ECEL1: variants seen among roughly 807,000 people sequenced by gnomAD.
ECEL1 encodes the protein endothelin-converting enzyme-like 1.
In ECEL1, 87 loss-of-function variants were observed where a neutral mutation model predicts 101.8. The ratio of observed to expected loss-of-function variants is 0.85; its 90% confidence interval spans 0.72 to 1.02. The LOEUF (loss-of-function observed/expected upper bound fraction) is 1.02, where lower values mean the gene tolerates loss of function less well. ECEL1 is among the 50% of genes least tolerant of loss of function. The pLI is 0.00. For synonymous variants in ECEL1, 487 were observed against 468.7 expected, an observed-to-expected ratio of 1.04 and a Z score of -0.50; for missense variants, 1,032 against 1,079.2, an observed-to-expected ratio of 0.96 and a Z score of 0.61.
chr2:232,485,301 C>T (rs954014213), intron 2 of ECEL1, 34 bp from the exon 3 acceptor site: 1 of 1,608,338 alleles, frequency 6.2e-7, no homozygotes, highest in Non-Finnish European at 8.5e-7. Flanking sequence ...AGGTCAGAGG[C>T]CCACACCTCA....
Position 232,484,476 on chromosome 2 carries a change from G to A in ECEL1, c.1180C>T (p.His394Tyr). Residue 394 changes from histidine to tyrosine, a missense_variant, in exon 6 of 18, where the codon CAC (histidine) becomes TAC (tyrosine). By Grantham distance (83) the His-to-Tyr change is moderately conservative (BLOSUM62 2). Coordinates refer to ENST00000304546, the MANE Select transcript of ECEL1 (RefSeq NM_004826.4). ...QVSQLIRSTP[H>Y]RVLHNYLVWR... is the part of the protein sequence containing the mutation. ...ATGCCAGATCTGCAGCCATACCGGTGGGGTGTGGAGCGGATGAGCTGCGAC... is the reference window on the plus strand; with the variant it reads ...ATGCCAGATCTGCAGCCATACCGGTAGGGTGTGGAGCGGATGAGCTGCGAC... The A allele has an allele frequency of 1.2e-6, 2 of 1,613,710 alleles. No individual in the cohort carries two copies. Among genetic ancestry groups the A allele is most frequent in the Non-Finnish European group, 8.5e-7 (1 of 1,179,862 alleles).
Position 232,481,075 on chromosome 2 carries a change from C to T in ECEL1, c.2055+16G>A, listed in dbSNP as rs1690564579. 3 of 1,554,054 alleles carry T rather than the reference C, an allele frequency of 1.9e-6. No homozygotes were observed. Among genetic ancestry groups the T allele is most frequent in the African/African-American group, 2.7e-5 (2 of 73,326 alleles). ...TCCCTCCTGCAGCAGGGGTGGAGCACAGGCAGGCCGCTCACGTGGTAGGCC... is the reference window on the plus strand; with the variant it reads ...TCCCTCCTGCAGCAGGGGTGGAGCATAGGCAGGCCGCTCACGTGGTAGGCC... On this transcript the variant is annotated intron_variant, in intron 15 of 17. Coordinates refer to ENST00000304546, the MANE Select transcript of ECEL1 (RefSeq NM_004826.4).
Position 232,479,918 on chromosome 2 carries a change from C to T in ECEL1, c.*235G>A. On this transcript the variant is annotated 3_prime_UTR_variant, in exon 18 of 18. Coordinates refer to ENST00000304546, the MANE Select transcript of ECEL1 (RefSeq NM_004826.4). ...CCAGCCTGGCAGAGGGTCTGGCCCCCTTAGAGCAGAATCTGGGGACCCCAG... is the reference window on the plus strand; with the variant it reads ...CCAGCCTGGCAGAGGGTCTGGCCCCTTTAGAGCAGAATCTGGGGACCCCAG... 1 of 580,226 alleles carries T rather than the reference C, an allele frequency of 1.7e-6. No individual in the cohort carries two copies. The highest frequency in any genetic ancestry group is 2.0e-5 in the South Asian group (1 of 49,220). The allele number at this position is 580,226 out of a possible 1,614,324, so 35.9% of individuals were successfully genotyped here.
rs112331839 is a variant in ECEL1 at position 232,482,343 on chromosome 2, G to A, written c.1796+75C>T. The stretch of plus-strand genomic sequence containing the variant: ...GGGGCGATTGGAGCCACAGTACGCC[G>A]ACACACACCTGGTAGACAAGGTCTG... On this transcript the variant is annotated intron_variant, in intron 12 of 17. Transcript: ENST00000304546. 301 of 1,602,060 alleles carry A rather than the reference G, an allele frequency of 1.9e-4. 1 individual carries two copies. In the Middle Eastern group the frequency reaches 6.7e-3, roughly 36 times the overall value.
chr2:232,481,797 C>T lies in ECEL1; in HGVS notation c.1849G>A (p.Gly617Ser), dbSNP rs766572719. The change falls in exon 13 of 18, where the codon GGC (glycine) becomes AGC (serine). Residue 617 changes from glycine to serine, a missense_variant. Physicochemically the swap from Gly to Ser is moderately conservative, Grantham distance 56. Transcript: ENST00000304546. ...CAGGCCTCACCCCAGTCGTCGTAGC[C>T]GTGGGTCAGCTCATGTCCAATGATG... ...GTIIGHELTHGYDDWGGQYDR... is the reference protein window; with the variant it reads ...GTIIGHELTHSYDDWGGQYDR... The T allele has an allele frequency of 7.4e-6, 12 of 1,613,850 alleles. No individual in the cohort carries two copies. The highest frequency in any genetic ancestry group is 1.7e-5 in the Admixed American group (1 of 60,010).
intron 2 of ECEL1, 33 bp downstream of exon 2, chr2:232,485,835 G>A (rs1286500197): frequency 1.3e-6 from 2 of 1,537,740 alleles, no homozygotes; most frequent in Admixed American, 2.0e-5. Flanking sequence ...CGGATCCGCG[G>A]CCGCTGGCAG....
intron 9 of ECEL1, 72 bp downstream of exon 9, chr2:232,483,033 G>A: frequency 6.2e-7 from 1 of 1,612,494 alleles, no homozygotes; most frequent in Non-Finnish European, 8.5e-7. Flanking sequence ...TGGCCGTGCA[G>A]GCCACCTGCC....
chr2:232,481,479 G>A (rs1181886325), intron 14 of ECEL1, 27 bp downstream of exon 14: 1 of 1,591,452 alleles, frequency 6.3e-7, no homozygotes, highest in African/African-American at 1.3e-5. Context: ...AGGCCTGAGG[G>A]GCACAAGGGG....
chr2:232,483,194 CA>C lies in ECEL1; in HGVS notation c.1507-16del. On this transcript the variant is annotated splice_polypyrimidine_tract_variant and intron_variant, in intron 8 of 17. Transcript: ENST00000304546. ...ATGTACTGGAGCTGCGGGCCGAGGG[CA>C]GGTGAAGGTGGCACCAGGCCTCGGG... The C allele has an allele frequency of 1.3e-6, 2 of 1,594,844 alleles. No homozygotes were observed. Among genetic ancestry groups the C allele is most frequent in the Non-Finnish European group, 1.7e-6 (2 of 1,171,580 alleles).
chr2:232,486,125 G>A lies in ECEL1; in HGVS notation c.529C>T (p.Gln177Ter). 1 of 1,567,528 alleles carries A rather than the reference G, an allele frequency of 6.4e-7. No homozygotes were observed. The highest frequency in any genetic ancestry group is 8.6e-7 in the Non-Finnish European group (1 of 1,160,252). The stretch of plus-strand genomic sequence containing the variant: ...CGGAAGAAGGCGCGCACCTTGCGCT[G>A]GGCCGCGCCGCCAGGCCCACCCCCG... ...RPGGGPGGAA[Q>*]RKVRAFFRSC... The change falls in exon 2 of 18, where the codon CAG becomes TAG. Residue 177 changes from glutamine to a stop codon, truncating the protein, a stop_gained. Transcript: ENST00000304546. LOFTEE classifies it high-confidence loss of function.
At chr2:232,481,743 C>T (rs968811682) in intron 13 of ECEL1, 39 bp downstream of exon 13, 2 of 1,613,032 alleles carry the variant, frequency 1.2e-6, no homozygotes, top group Admixed American at 1.7e-5. Context: ...CCTGTCCTGC[C>T]CCCTCCGGGC....
chr2:232,480,300 A>G, intron 17 of ECEL1, 48 bp from the exon 18 acceptor site: 1 of 1,611,426 alleles, frequency 6.2e-7, no homozygotes, highest in Non-Finnish European at 8.5e-7. Flanking sequence ...CAGCCACTCC[A>G]GCCCCAGCAA....
At chr2:232,483,053 G>T (rs1429556627) in intron 9 of ECEL1, 52 bp downstream of exon 9, 1 of 1,611,822 alleles carries the variant, frequency 6.2e-7, no homozygotes, top group East Asian at 2.2e-5. Flanking sequence ...CCTCCTGAGT[G>T]CCGTTAGTAG....
chr2:232,482,790 C>T, intron 10 of ECEL1, 61 bp downstream of exon 10: 1 of 1,592,406 alleles, frequency 6.3e-7, no homozygotes, highest in Non-Finnish European at 8.6e-7. Flanking sequence ...ATTTGCCCTA[C>T]CAGCTCCTGC....
At chr2:232,484,371 T>G (rs1690664678) in intron 6 of ECEL1, 101 bp downstream of exon 6, 7 of 1,575,472 alleles carry the variant, frequency 4.4e-6, no homozygotes, top group Non-Finnish European at 8.6e-7. Flanking sequence ...ATCCCAGCTA[T>G]GCAGAGCAGA....
At position 232,486,548 on chromosome 2, in the gene ECEL1, C is replaced by T; in HGVS notation, c.106G>A (p.Gly36Ser). The stretch of plus-strand genomic sequence containing the variant: ...CTGCGCGCAGCGCCCAACGGGAAGC[C>T]CGGGGGCAGGGAGGCCCCGCGCGCG... Reference protein sequence around the residue: ...GGARGASLPPGFPLGAARSAT... With the variant: ...GGARGASLPPSFPLGAARSAT... The change falls in exon 2 of 18, where the codon GGC (glycine) becomes AGC (serine). Residue 36 changes from glycine (G) to serine (S), a missense_variant. Transcript: ENST00000304546. 2 of 1,353,360 alleles carry T rather than the reference C, an allele frequency of 1.5e-6. No individual in the cohort carries two copies. Among genetic ancestry groups the T allele is most frequent in the African/African-American group, 3.1e-5 (2 of 65,186 alleles). The allele number at this position is 1,353,360 out of a possible 1,614,324, so 83.8% of individuals were successfully genotyped here. A position where few individuals can be genotyped will look rare whatever the true frequency, so the allele number is the denominator to read the frequency against.
Position 232,484,806 on chromosome 2 carries a change from G to A in ECEL1, c.1054C>T (p.Pro352Ser). The A allele has an allele frequency of 6.2e-7, 1 of 1,613,886 alleles. No individual in the cohort carries two copies. The highest frequency in any genetic ancestry group is 8.5e-7 in the Non-Finnish European group (1 of 1,180,010). ...VTLGQLQKITPHLRWKWLLDQ... is the reference protein window; with the variant it reads ...VTLGQLQKITSHLRWKWLLDQ... The stretch of plus-strand genomic sequence containing the variant: ...GAGGACTGGGCCACACTCACGTGGG[G>A]GGTGATCTTCTGCAGCTGCCCCAGC... Residue 352 changes from proline to serine, a missense_variant, in exon 5 of 18, where the codon CCC (proline) becomes TCC (serine). Physicochemically the swap from Pro to Ser is moderately conservative, Grantham distance 74. Transcript: ENST00000304546.
intron 1 of ECEL1, 41 bp from the exon 2 acceptor site, chr2:232,486,795 C>T: frequency 1.1e-6 from 1 of 938,092 alleles, no homozygotes; most frequent in Admixed American, 4.4e-5. Context: ...GCGCCGCAGC[C>T]GGATGGGGCT....
At chr2:232,480,339 C>T in intron 17 of ECEL1, 60 bp downstream of exon 17, 1 of 1,611,550 alleles carries the variant, frequency 6.2e-7, no homozygotes, top group Non-Finnish European at 8.5e-7. Context: ...CCTTCCCATG[C>T]CCCCTGATCC....
Sources: allele counts gnomAD v4.1 joint callset, GRCh38; gene constraint gnomAD v4.1.1; transcripts MANE v1.5; gene names NCBI Gene and HGNC (gene_info 2026-07-23, HGNC 2026-07-21).